CACNA2D3: variants seen among roughly 807,000 people sequenced by gnomAD.
The protein encoded by CACNA2D3 is voltage-dependent calcium channel subunit alpha-2/delta-3.
CACNA2D3 carries 60 observed loss-of-function variants against 160.6 expected under a neutral mutation model. The ratio of observed to expected loss-of-function variants is 0.37; its 90% CI spans 0.30 to 0.46. CACNA2D3 has a LOEUF of 0.46. Ranked by LOEUF, CACNA2D3 falls within the 20% of genes least tolerant of loss-of-function variation. The pLI, the probability that CACNA2D3 is intolerant of heterozygous loss-of-function variation, is 1.00. For missense variants in CACNA2D3, 1,205 were observed against 1,365.0 expected (o/e 0.88, Z 1.85); for synonymous variants, 558 against 492.9 (o/e 1.13, Z -1.75).
intron 2 of CACNA2D3, among the ~76,000 whole-genome samples, chr3:54,296,884 G>T (rs748914232): frequency 6.6e-6 from 1 of 152,218 alleles, no homozygotes; most frequent in African/African-American, 2.4e-5. Context: ...TGGACACCCT[G>T]ATGTTCAAGC....
chr3:55,051,804 G>T (rs915139337), intron 35 of CACNA2D3, among the ~76,000 whole-genome samples: 1 of 152,184 alleles, frequency 6.6e-6, no homozygotes, highest in African/African-American at 2.4e-5. Flanking sequence ...ATATAATCTC[G>T]TGGTGCGCCG....
chr3:54,994,327 G>A (rs1402628249), intron 31 of CACNA2D3, among the ~76,000 whole-genome samples: 2 of 152,146 alleles, frequency 1.3e-5, no homozygotes, highest in Non-Finnish European at 2.9e-5. Context: ...CTTTAATGCC[G>A]ACTGCCCCGC....
intron 3 of CACNA2D3, among the ~76,000 whole-genome samples, chr3:54,372,186 A>G (rs1698936247): frequency 6.6e-6 from 1 of 152,234 alleles, no homozygotes; most frequent in Non-Finnish European, 1.5e-5. Flanking sequence ...AAAAACTTAA[A>G]AGCCACTAAA....
chr3:54,210,696 A>G (rs1368229235), intron 2 of CACNA2D3, among the ~76,000 whole-genome samples: 1 of 151,938 alleles, frequency 6.6e-6, no homozygotes, highest in Non-Finnish European at 1.5e-5. Context: ...CGCCTGGGAG[A>G]GTTTATTAAG....
intron 17 of CACNA2D3, among the ~76,000 whole-genome samples, chr3:54,857,673 G>T (rs569439872): frequency 3.3e-5 from 5 of 152,294 alleles, no homozygotes; most frequent in African/African-American, 1.2e-4. Flanking sequence ...CTTGAATCCT[G>T]TTCTCAGGGA....
rs560569968 is a variant in CACNA2D3, at chr3:54,809,598, G to A, written c.1381-7255G>A. On this transcript the variant is annotated intron_variant, in intron 13 of 37. Transcript: ENST00000474759. ...CTCCCAAAGTGCTGGGATTACAGGC[G>A]TGAGCCACCGCGCCCGGCCCCTTCC... is the stretch of plus-strand genomic sequence containing the variant. Among the ~76,000 whole-genome samples, 12 of 140,510 alleles carry A rather than the reference G, an allele frequency of 8.5e-5. No individual in the cohort carries two copies. In the South Asian group the frequency reaches 2.1e-3, roughly 25 times the overall value. The allele number at this position is 140,510 out of a possible 152,430, so 92.2% of individuals were successfully genotyped here.
intron 2 of CACNA2D3, among the ~76,000 whole-genome samples, chr3:54,154,537 C>T (rs554751944): frequency 1.3e-5 from 2 of 152,108 alleles, no homozygotes; most frequent in South Asian, 4.1e-4. Flanking sequence ...TTTTCCCCCC[C>T]GAATGATTAT....
intron 2 of CACNA2D3, among the ~76,000 whole-genome samples, chr3:54,272,420 A>C (rs977923636): frequency 1.3e-5 from 2 of 152,098 alleles, no homozygotes; most frequent in African/African-American, 4.8e-5. Flanking sequence ...CCTGTTCCAC[A>C]TGCATGTCTT....
chr3:54,713,222 C>G (rs190157004), intron 11 of CACNA2D3, among the ~76,000 whole-genome samples: 1 of 152,284 alleles, frequency 6.6e-6, no homozygotes, highest in East Asian at 1.9e-4. Flanking sequence ...TTGCTCACTG[C>G]TAGAAGTGAT....
intron 1 of CACNA2D3, among the ~76,000 whole-genome samples, chr3:54,123,080 G>A (rs990681467): frequency 6.6e-6 from 1 of 152,194 alleles, no homozygotes; most frequent in African/African-American, 2.4e-5. Flanking sequence ...ACCAACTTTG[G>A]AGCCTGGTTA....
At chr3:54,286,007 T>C (rs1703013238) in intron 2 of CACNA2D3, among the ~76,000 whole-genome samples, 1 of 152,092 alleles carries the variant, frequency 6.6e-6, no homozygotes, top group Non-Finnish European at 1.5e-5. Flanking sequence ...CTGGAAACTC[T>C]AAAAAGCAGA....
intron 27 of CACNA2D3, chr3:54,925,178 G>C (rs1193984844): frequency 1.2e-6 from 2 of 1,613,908 alleles, no homozygotes; most frequent in South Asian, 2.2e-5. Context: ...ATACCACCTG[G>C]AGCAGGACAA....
At chr3:54,890,403 G>A (rs1314515423) in intron 24 of CACNA2D3, among the ~76,000 whole-genome samples, 1 of 151,406 alleles carries the variant, frequency 6.6e-6, no homozygotes, top group Non-Finnish European at 1.5e-5. Context: ...GGCTGAGGCA[G>A]GAGAACGGCA....
At chr3:54,137,550 G>GT (rs1188620500) in intron 2 of CACNA2D3, among the ~76,000 whole-genome samples, 5 of 152,056 alleles carry the variant, frequency 3.3e-5, no homozygotes, top group Middle Eastern at 3.4e-3. Context: ...ACAAAACTGT[G>GT]TTTTTTTTCT....
intron 13 of CACNA2D3, among the ~76,000 whole-genome samples, chr3:54,767,266 GA>G (rs993871765): frequency 3.3e-5 from 5 of 152,102 alleles, no homozygotes; most frequent in South Asian, 2.1e-4. Flanking sequence ...AGAAAGGGAG[GA>G]AAAAAACTTT....
chr3:54,858,233 G>A (rs933466913), intron 17 of CACNA2D3, among the ~76,000 whole-genome samples: 1 of 152,136 alleles, frequency 6.6e-6, no homozygotes, highest in Admixed American at 6.5e-5. Context: ...TCAGCTGCCA[G>A]CTACTAGCCT....
intron 35 of CACNA2D3, among the ~76,000 whole-genome samples, chr3:55,061,960 G>C (rs997937470): frequency 6.6e-6 from 1 of 152,166 alleles, no homozygotes; most frequent in East Asian, 1.9e-4. Flanking sequence ...TTCTATAGAA[G>C]GTCAGACAGG....
chr3:54,740,099 G>A (rs1575451118), intron 11 of CACNA2D3, among the ~76,000 whole-genome samples: 1 of 151,962 alleles, frequency 6.6e-6, no homozygotes, highest in African/African-American at 2.4e-5. Flanking sequence ...CAAGTCAGTT[G>A]TCAGCAGCAA....
At chr3:54,595,471 C>T (rs148959202) in intron 9 of CACNA2D3, among the ~76,000 whole-genome samples, 187 of 152,170 alleles carry the variant, frequency 1.2e-3, no homozygotes, top group African/African-American at 4.5e-3. Context: ...TGGTTGTGCC[C>T]CTGCCATTTC....
Sources: gnomAD v4.1 joint callset for allele counts (sites outside exome capture counted in the v4.1 genomes callset) on GRCh38, gnomAD v4.1.1 for gene constraint, MANE v1.5 for transcripts, NCBI Gene and HGNC (gene_info 2026-07-23, HGNC 2026-07-21) for gene names.